The following SLC25A37 variants were observed in gnomAD, a reference collection of about 807,000 sequenced individuals.
The protein encoded by SLC25A37 is mitoferrin-1.
A neutral mutation model predicts 31.0 loss-of-function variants in SLC25A37; 17 were observed. The ratio of observed to expected loss-of-function variants is 0.55; its 90% CI spans 0.38 to 0.82. The LOEUF is 0.82. Ranked by LOEUF, SLC25A37 falls within the 40% of genes least tolerant of loss-of-function variation. SLC25A37 has a pLI of 0.00. For missense variants in SLC25A37, 404 were observed against 465.8 expected, an observed-to-expected ratio of 0.87 and a Z score of 1.22; for synonymous variants, 222 against 193.0, an observed-to-expected ratio of 1.15 and a Z score of -1.24.
At chr8:23,571,111 C>CT (rs1802815331) in intron 3 of SLC25A37, among the ~76,000 whole-genome samples, 1 of 152,170 alleles carries the variant, frequency 6.6e-6, no homozygotes, top group Admixed American at 6.5e-5. Flanking sequence ...ACCTTCCAGG[C>CT]GTGAGTCCTG....
intron 1 of SLC25A37, among the ~76,000 whole-genome samples, chr8:23,563,489 A>G (rs10503728): frequency 3.3e-5 from 5 of 152,120 alleles, no homozygotes; most frequent in Non-Finnish European, 5.9e-5. Context: ...ACCTAGCCTA[A>G]TGTATCATCT....
chr8:23,570,024 A>G (rs1030365546), intron 3 of SLC25A37, among the ~76,000 whole-genome samples: 2 of 151,834 alleles, frequency 1.3e-5, no homozygotes, highest in African/African-American at 2.4e-5. Context: ...GCTACCCTCC[A>G]TGTCCTAGCA....
chr8:23,542,167 A>G (rs1276089322), intron 1 of SLC25A37, among the ~76,000 whole-genome samples: 1 of 152,180 alleles, frequency 6.6e-6, no homozygotes, highest in Non-Finnish European at 1.5e-5. Flanking sequence ...TGGAGCTGAA[A>G]AATTCCTATT....
At chr8:23,533,739 G>C (rs1801707759) in intron 1 of SLC25A37, among the ~76,000 whole-genome samples, 1 of 152,128 alleles carries the variant, frequency 6.6e-6, no homozygotes, top group Non-Finnish European at 1.5e-5. Context: ...AAGAATTTGT[G>C]TTTTTGTTTT....
rs997306026 is a variant in SLC25A37 at position 23,573,429 on chromosome 8, C to A, written c.*1574C>A. On this transcript the variant is annotated 3_prime_UTR_variant, in exon 4 of 4. Transcript: ENST00000519973. ...ACTGTCTCTGATTTGGAGCCCTCAC[C>A]GGAGCTTGTCTTTAAAAATGAGCAG... is the stretch of plus-strand genomic sequence containing the variant. The A allele has an allele frequency of 2.7e-5, 5 of 182,776 alleles. No homozygotes were observed. Among genetic ancestry groups the A allele is most frequent in the Middle Eastern group, 2.2e-3 (1 of 452 alleles). The allele number at this position is 182,776 out of a possible 1,614,324, so 11.3% of individuals were successfully genotyped here.
chr8:23,545,854 A>T (rs899357036), intron 1 of SLC25A37, among the ~76,000 whole-genome samples: 3 of 152,120 alleles, frequency 2.0e-5, no homozygotes, highest in Non-Finnish European at 2.9e-5. Context: ...ATAAAAAAAT[A>T]GGCCGGGCGC....
rs1563248246 is a variant in SLC25A37, at chr8:23,529,710, C to G, written c.210+498C>G. Among the ~76,000 whole-genome samples, 2 of 152,230 alleles carry G rather than the reference C, an allele frequency of 1.3e-5. No individual in the cohort carries two copies. Among genetic ancestry groups the G allele is most frequent in the African/African-American group, 4.8e-5 (2 of 41,472 alleles). The stretch of plus-strand genomic sequence containing the variant: ...CGCGCCCTCGGGACTTGGTGTGTGG[C>G]TGCTGCTCCCCGGGTTATTTCGGGA... On this transcript the variant is annotated intron_variant, in intron 1 of 3. Coordinates refer to ENST00000519973, the MANE Select transcript of SLC25A37 (RefSeq NM_016612.4). This position sits in a 1 kb window ranked among gnomAD's most constrained non-coding sequence, Gnocchi z 4.1.
At chr8:23,564,384 AT>A (rs1251897013) in intron 1 of SLC25A37, among the ~76,000 whole-genome samples, 3 of 137,700 alleles carry the variant, frequency 2.2e-5, no homozygotes, top group Admixed American at 1.6e-4. Flanking sequence ...GTAGGATTAG[AT>A]TTTTTTTATG....
chr8:23,548,792 A>G (rs772666495), intron 1 of SLC25A37, among the ~76,000 whole-genome samples: 8 of 152,184 alleles, frequency 5.3e-5, no homozygotes, highest in Non-Finnish European at 1.2e-4. Flanking sequence ...TGAGGACCAT[A>G]TAGATGGAAA....
rs1196547202 is a variant in SLC25A37 at position 23,555,319 on chromosome 8, G to A, written c.211-10789G>A. Among the ~76,000 whole-genome samples the A allele has an allele frequency of 2.6e-5, 4 of 152,272 alleles. No homozygotes were observed. The East Asian group carries it at 7.7e-4, about 29-fold the overall frequency. The stretch of plus-strand genomic sequence containing the variant: ...TGTAGTGACAGCTCTAATTCTTACA[G>A]CTTGACATACTCTTCCTTTTTCTAG... On this transcript the variant is annotated intron_variant, in intron 1 of 3. Coordinates refer to ENST00000519973, the MANE Select transcript of SLC25A37 (RefSeq NM_016612.4).
rs528169158 is a variant in SLC25A37 at position 23,570,343 on chromosome 8, C to T, written c.497-992C>T. ...AACTGACCTGCCTTCATGGCTTGTC[C>T]TGTAATGAATGCGTTCAAGACAGTG... On this transcript the variant is annotated intron_variant, in intron 3 of 3. Coordinates refer to ENST00000519973, the MANE Select transcript of SLC25A37 (RefSeq NM_016612.4). Among the ~76,000 whole-genome samples, 30 of 132,912 alleles carry T rather than the reference C, an allele frequency of 2.3e-4. 1 individual carries two copies. Among genetic ancestry groups the T allele is most frequent in the African/African-American group, 7.5e-4 (26 of 34,744 alleles). 87.2% of individuals were successfully genotyped at this position (132,912 alleles called of 152,430 possible). A position where few individuals can be genotyped will look rare whatever the true frequency, so the allele number is the denominator to read the frequency against.
At chr8:23,552,456 G>A (rs1242997098) in intron 1 of SLC25A37, among the ~76,000 whole-genome samples, 1 of 152,126 alleles carries the variant, frequency 6.6e-6, no homozygotes, top group East Asian at 1.9e-4. Context: ...GTGCTCTCAG[G>A]CATGTGGCTG....
intron 1 of SLC25A37, among the ~76,000 whole-genome samples, 161 bp from the exon 2 acceptor site, chr8:23,565,947 A>G (rs908529995): frequency 9.2e-5 from 14 of 152,266 alleles, no homozygotes; most frequent in African/African-American, 3.1e-4. Flanking sequence ...CATTATGTCC[A>G]TGTAGAATTC....
chr8:23,571,862 G>A lies in SLC25A37; in HGVS notation c.*7G>A. On this transcript the variant is annotated 3_prime_UTR_variant, in exon 4 of 4. Transcript: ENST00000519973. ...AAATCGAGCTCCATACTAAAGGAAG[G>A]GATCATAGAATCTTTTCTTAAAGTC... 1 of 1,604,776 alleles carries A rather than the reference G, an allele frequency of 6.2e-7. No homozygotes were observed.
chr8:23,530,226 C>G (rs1801636988), intron 1 of SLC25A37, among the ~76,000 whole-genome samples: 2 of 152,178 alleles, frequency 1.3e-5, no homozygotes, highest in African/African-American at 4.8e-5. Context: ...AGAGGCGAAC[C>G]GATTACCTTG....
rs1346992468 is a variant in SLC25A37 at position 23,575,023 on chromosome 8, CTA to C, written c.*3170_*3171del. 6.6e-6 allele frequency: 1 copy of C among 152,196 alleles called. No homozygotes were observed. The highest frequency in any genetic ancestry group is 2.4e-5 in the African/African-American group (1 of 41,446). 9.4% of individuals were successfully genotyped at this position (152,196 alleles called of 1,614,324 possible). ...AATGGGTGAAATCTTCTCCCCATGA[CTA>C]TGTTTTCTTAACTTTGCATTGAATC... On this transcript the variant is annotated 3_prime_UTR_variant, in exon 4 of 4. Coordinates refer to ENST00000519973, the MANE Select transcript of SLC25A37 (RefSeq NM_016612.4).
chr8:23,562,784 C>T (rs73555598), intron 1 of SLC25A37, among the ~76,000 whole-genome samples: 98 of 152,308 alleles, frequency 6.4e-4, no homozygotes, highest in African/African-American at 2.3e-3. Context: ...AATGACCTTG[C>T]CCAGGGTCAC....
At chr8:23,558,216 A>T (rs1158896496) in intron 1 of SLC25A37, among the ~76,000 whole-genome samples, 2 of 152,160 alleles carry the variant, frequency 1.3e-5, no homozygotes, top group African/African-American at 4.8e-5. Context: ...TCAGGCAGGG[A>T]GTCAGTGGCT....
intron 1 of SLC25A37, among the ~76,000 whole-genome samples, chr8:23,550,733 A>G (rs1802200827): frequency 6.6e-6 from 1 of 152,226 alleles, no homozygotes; most frequent in Non-Finnish European, 1.5e-5. Context: ...CATCTTACCT[A>G]GGTGTACAGT....
Sources: allele counts gnomAD v4.1 joint callset (sites outside exome capture counted in the v4.1 genomes callset), GRCh38; gene constraint gnomAD v4.1.1; non-coding constraint Gnocchi (gnomAD v3.1); transcripts MANE v1.5; gene names NCBI Gene and HGNC (gene_info 2026-07-23, HGNC 2026-07-21).